CTNNA3: variants seen among roughly 807,000 people sequenced by gnomAD.
CTNNA3 encodes catenin alpha 3, also known as catenin alpha-3.
A neutral mutation model predicts 95.7 loss-of-function variants in CTNNA3; 76 were observed. The observed-to-expected ratio is 0.79, with a 90% CI of 0.66 to 0.96. The LOEUF (loss-of-function observed/expected upper bound fraction) is 0.96. Ranked by LOEUF, CTNNA3 falls within the 40% of genes least tolerant of loss-of-function variation. The pLI, the probability that CTNNA3 is intolerant of heterozygous loss-of-function variation, is 0.00. For missense variants in CTNNA3, 1,191 were observed against 1,089.8 expected (o/e 1.09, Z -1.31); for synonymous variants, 431 against 374.4 (o/e 1.15, Z -1.74).
intron 11 of CTNNA3, among the ~76,000 whole-genome samples, chr10:66,468,930 G>T: frequency 6.6e-6 from 1 of 151,398 alleles, no homozygotes; most frequent in Non-Finnish European, 1.5e-5. Context: ...TATATATTTT[G>T]TTTGACTATT....
At chr10:67,726,179 ATAT>A (rs1462281522) in intron 1 of CTNNA3, among the ~76,000 whole-genome samples, 10 of 97,486 alleles carry the variant, frequency 1.0e-4, no homozygotes, top group South Asian at 3.5e-4. Flanking sequence ...ATAATAATAT[ATAT>A]TATTATAATA....
chr10:66,662,359 A>T (rs1846292948), intron 9 of CTNNA3, among the ~76,000 whole-genome samples: 1 of 152,188 alleles, frequency 6.6e-6, no homozygotes, highest in South Asian at 2.1e-4. Context: ...GAGGGCGTTT[A>T]GCATACACCT....
chr10:67,751,756 A>G (rs1185079306), intron 1 of CTNNA3, among the ~76,000 whole-genome samples: 1 of 151,826 alleles, frequency 6.6e-6, no homozygotes, highest in Non-Finnish European at 1.5e-5. Flanking sequence ...TCATCTCAAG[A>G]CTAAACCAAG....
intron 3 of CTNNA3, among the ~76,000 whole-genome samples, chr10:67,583,520 T>C (rs1302505091): frequency 6.6e-6 from 1 of 152,202 alleles, no homozygotes; most frequent in African/African-American, 2.4e-5. Flanking sequence ...TTTTGGTGAA[T>C]CTGACAATTA....
At chr10:66,113,949 A>G (rs931011271) in intron 13 of CTNNA3, among the ~76,000 whole-genome samples, 2 of 152,064 alleles carry the variant, frequency 1.3e-5, no homozygotes, top group African/African-American at 4.8e-5. Flanking sequence ...GGTTGAAACC[A>G]TGCAATAATA....
intron 7 of CTNNA3, among the ~76,000 whole-genome samples, chr10:66,783,998 T>C (rs1564680689): frequency 6.6e-6 from 1 of 152,130 alleles, no homozygotes; most frequent in African/African-American, 2.4e-5. Context: ...AGCCTTTACA[T>C]ATGGCTATGG....
chr10:66,181,086 T>C (rs2086016011), intron 13 of CTNNA3, among the ~76,000 whole-genome samples: 1 of 150,982 alleles, frequency 6.6e-6, no homozygotes, highest in South Asian at 2.1e-4. Flanking sequence ...GTAAGTGTGC[T>C]GACTCAAAAC....
At chr10:67,104,587 G>C (rs963327688) in intron 7 of CTNNA3, among the ~76,000 whole-genome samples, 4 of 151,758 alleles carry the variant, frequency 2.6e-5, no homozygotes, top group Non-Finnish European at 5.9e-5. Flanking sequence ...GTAGACTCTC[G>C]ACTCCATTAG....
At chr10:67,257,826 T>C (rs1866426171) in intron 5 of CTNNA3, among the ~76,000 whole-genome samples, 1 of 152,212 alleles carries the variant, frequency 6.6e-6, no homozygotes, top group Non-Finnish European at 1.5e-5. Flanking sequence ...TGTGTAAATT[T>C]TTGTGAATAT....
At chr10:66,878,846 TAG>T (rs1183279221) in intron 7 of CTNNA3, among the ~76,000 whole-genome samples, 2 of 152,166 alleles carry the variant, frequency 1.3e-5, no homozygotes, top group African/African-American at 4.8e-5. Flanking sequence ...CCTTTGTGAA[TAG>T]ATTCATCCAC....
intron 1 of CTNNA3, among the ~76,000 whole-genome samples, chr10:67,735,323 G>A (rs1483056512): frequency 1.3e-5 from 2 of 152,054 alleles, no homozygotes; most frequent in Non-Finnish European, 2.9e-5. Flanking sequence ...GGGTGTTGAA[G>A]TACAAAGAAT....
chr10:67,586,770 G>C (rs902582758), intron 3 of CTNNA3, among the ~76,000 whole-genome samples: 2 of 152,000 alleles, frequency 1.3e-5, no homozygotes, highest in African/African-American at 2.4e-5. Flanking sequence ...AAGTGGAGCA[G>C]GTAGTCCATT....
At chr10:67,172,508 G>C (rs1862062237) in intron 7 of CTNNA3, among the ~76,000 whole-genome samples, 1 of 151,808 alleles carries the variant, frequency 6.6e-6, no homozygotes, top group African/African-American at 2.4e-5. Context: ...ATGTATTCTT[G>C]TGTTTATTAT....
intron 1 of CTNNA3, among the ~76,000 whole-genome samples, chr10:67,666,509 A>AT (rs1840333341): frequency 6.6e-6 from 1 of 152,182 alleles, no homozygotes; most frequent in Non-Finnish European, 1.5e-5. Context: ...TTCCTATATT[A>AT]TTTCACAATA....
chr10:66,673,448 C>T (rs1052084553), intron 9 of CTNNA3, among the ~76,000 whole-genome samples: 3 of 151,976 alleles, frequency 2.0e-5, no homozygotes, highest in South Asian at 2.1e-4. Context: ...CAAAAGAAAT[C>T]GTCTACATTA....
chr10:67,459,071 C>T (rs1307240157), intron 5 of CTNNA3, among the ~76,000 whole-genome samples: 1 of 152,156 alleles, frequency 6.6e-6, no homozygotes, highest in Non-Finnish European at 1.5e-5. Context: ...GAAAAGAGCA[C>T]CACTATTAAT....
chr10:66,428,693 CT>C (rs2093266604), intron 11 of CTNNA3, among the ~76,000 whole-genome samples: 1 of 152,126 alleles, frequency 6.6e-6, no homozygotes, highest in African/African-American at 2.4e-5. Flanking sequence ...TAAAGATGTT[CT>C]TTGAAACCAA....
At chr10:67,562,712 G>C (rs145132665) in intron 3 of CTNNA3, among the ~76,000 whole-genome samples, 2 of 152,294 alleles carry the variant, frequency 1.3e-5, no homozygotes, top group East Asian at 1.9e-4. Context: ...CCTATTTGCA[G>C]ATAACGTGAT....
Position 66,078,977 on chromosome 10 carries a change from A to G in CTNNA3, c.1978-9488T>C, listed in dbSNP as rs182791676. 3.9e-5 allele frequency: 6 copies of G among 152,086 alleles called. No individual in the cohort carries two copies. The East Asian group carries it at 1.2e-3, about 29-fold the overall frequency. 9.4% of individuals were successfully genotyped at this position (152,086 alleles called of 1,614,324 possible). On this transcript the variant is annotated intron_variant, in intron 14 of 17. Transcript: ENST00000433211. ...TGAATTCCATGACCCAGTTTACAGT[A>G]AATTGGAAGTAGACAGAAGGTGTAT...
Sources: gnomAD v4.1 joint callset for allele counts (sites outside exome capture counted in the v4.1 genomes callset) on GRCh38, gnomAD v4.1.1 for gene constraint, MANE v1.5 for transcripts, NCBI Gene and HGNC (gene_info 2026-07-23, HGNC 2026-07-21) for gene names.